FGF12: variants seen among roughly 807,000 people sequenced by gnomAD.
FGF12 encodes fibroblast growth factor 12.
A neutral mutation model predicts 23.6 loss-of-function variants in FGF12; 14 were observed. That is an observed-to-expected ratio of 0.59 (90% confidence interval 0.39 to 0.93). FGF12 has a LOEUF of 0.93. Ranked by LOEUF, FGF12 falls within the 40% of genes least tolerant of loss-of-function variation. The pLI is 0.00. For synonymous variants in FGF12, 62 were observed against 77.3 expected, an observed-to-expected ratio of 0.80 and a Z score of 1.04; for missense variants, 175 against 217.8, an observed-to-expected ratio of 0.80 and a Z score of 1.24.
chr3:192,698,507 A>C (rs1718194799), intron 2 of FGF12, among the ~76,000 whole-genome samples: 1 of 152,174 alleles, frequency 6.6e-6, no homozygotes, highest in Non-Finnish European at 1.5e-5. Context: ...TATACACAAC[A>C]ACAATAATAA....
rs555451201 is a variant in FGF12, at chr3:192,696,408, A to G, written c.13+30773T>C. 2.0e-5 allele frequency among the ~76,000 whole-genome samples: 3 copies of G among 152,320 alleles called. No homozygotes were observed. In the East Asian group the frequency reaches 5.8e-4, roughly 29 times the overall value. ...AGCTTTTCAGTGTGTTTGCACTTCTAGAATCAGCAAACAGATGAGGGAGGA... is the reference window on the plus strand; with the variant it reads ...AGCTTTTCAGTGTGTTTGCACTTCTGGAATCAGCAAACAGATGAGGGAGGA... On this transcript the variant is annotated intron_variant, in intron 2 of 5. Coordinates refer to ENST00000445105, the MANE Select transcript of FGF12 (RefSeq NM_004113.6).
At chr3:192,624,625 A>C (rs1362606539) in intron 2 of FGF12, among the ~76,000 whole-genome samples, 1 of 152,284 alleles carries the variant, frequency 6.6e-6, no homozygotes, top group East Asian at 1.9e-4. Context: ...AGTATTATAA[A>C]ATAATTATAT....
intron 2 of FGF12, among the ~76,000 whole-genome samples, chr3:192,605,648 G>T (rs1321803724): frequency 6.6e-6 from 1 of 152,036 alleles, no homozygotes; most frequent in Non-Finnish European, 1.5e-5. Flanking sequence ...AATTGAACAA[G>T]CCAAAAACAA....
chr3:192,654,690 G>C (rs144514045), intron 2 of FGF12, among the ~76,000 whole-genome samples: 136 of 152,326 alleles, frequency 8.9e-4, no homozygotes, highest in African/African-American at 3.2e-3. Flanking sequence ...CAGAAGAGAG[G>C]CTTCTTGAAC....
chr3:192,528,305 T>C (rs756249221), intron 2 of FGF12, among the ~76,000 whole-genome samples: 5 of 152,072 alleles, frequency 3.3e-5, no homozygotes, highest in Non-Finnish European at 7.4e-5. Context: ...CGAAATCCAG[T>C]GGGGTAGTCA....
At chr3:192,596,717 C>T (rs1476238778) in intron 2 of FGF12, among the ~76,000 whole-genome samples, 1 of 152,038 alleles carries the variant, frequency 6.6e-6, no homozygotes, top group African/African-American at 2.4e-5. Flanking sequence ...GCAATTGGAC[C>T]CATAATACAT....
chr3:192,725,290 T>C (rs1364503143), intron 2 of FGF12, among the ~76,000 whole-genome samples: 2 of 151,890 alleles, frequency 1.3e-5, no homozygotes, highest in Admixed American at 6.6e-5. Context: ...TCATGTTTTT[T>C]TTTTTTTTCA....
At chr3:192,177,325 A>G (rs1273004755) in intron 4 of FGF12, among the ~76,000 whole-genome samples, 1 of 152,212 alleles carries the variant, frequency 6.6e-6, no homozygotes, top group East Asian at 1.9e-4. Context: ...ATTATTTGAG[A>G]TTATTTCTTT....
rs137939607 is a variant in FGF12, at chr3:192,310,278, T to A, written c.228+25083A>T. 5.3e-5 allele frequency among the ~76,000 whole-genome samples: 8 copies of A among 152,294 alleles called. No individual in the cohort carries two copies. In the South Asian group the frequency reaches 1.0e-3, roughly 20 times the overall value. ...GAGAGTGGAAGACACATGTTGCCCC[T>A]CAACTGTGTGCTATTTTGATATCGT... On this transcript the variant is annotated intron_variant, in intron 4 of 5. Coordinates refer to ENST00000445105, the MANE Select transcript of FGF12 (RefSeq NM_004113.6).
intron 4 of FGF12, among the ~76,000 whole-genome samples, chr3:192,242,103 T>C (rs1026118832): frequency 2.6e-5 from 4 of 152,104 alleles, no homozygotes; most frequent in African/African-American, 4.8e-5. Flanking sequence ...ATTCAGAAAT[T>C]AGTTAAAAAT....
intron 4 of FGF12, among the ~76,000 whole-genome samples, chr3:192,261,580 C>T (rs1000673014): frequency 6.6e-6 from 1 of 152,200 alleles, no homozygotes; most frequent in African/African-American, 2.4e-5. Context: ...GTGGAGATGT[C>T]ATGGCTCCGC....
At chr3:192,612,251 T>C (rs555381403) in intron 2 of FGF12, among the ~76,000 whole-genome samples, 1 of 152,140 alleles carries the variant, frequency 6.6e-6, no homozygotes, top group Non-Finnish European at 1.5e-5. Context: ...TGCTCCTATC[T>C]ACCTGGATTT....
At chr3:192,663,389 G>A (rs1318657733) in intron 2 of FGF12, among the ~76,000 whole-genome samples, 1 of 152,130 alleles carries the variant, frequency 6.6e-6, no homozygotes, top group African/African-American at 2.4e-5. Flanking sequence ...TACTCCAGAG[G>A]GTAGCACATA....
At position 192,139,471 on chromosome 3, in the gene FGF12, G is replaced by A. The variant is rs1314061289; in HGVS notation, c.*4538C>T. 6.6e-6 allele frequency: 1 copy of A among 152,128 alleles called. No homozygotes were observed. The highest frequency in any genetic ancestry group is 1.5e-5 in the Non-Finnish European group (1 of 67,988). 9.4% of individuals were successfully genotyped at this position (152,128 alleles called of 1,614,324 possible). A position where few individuals can be genotyped will look rare whatever the true frequency, so the allele number is the denominator to read the frequency against. ...TACAACATGTTTACTAAACATTTCA[G>A]TGTCAATAATTTCTTAAGATTGTAA... On this transcript the variant is annotated 3_prime_UTR_variant, in exon 6 of 6. Coordinates refer to ENST00000445105, the MANE Select transcript of FGF12 (RefSeq NM_004113.6).
intron 4 of FGF12, among the ~76,000 whole-genome samples, chr3:192,255,739 A>T (rs1243330625): frequency 6.6e-6 from 1 of 152,112 alleles, no homozygotes; most frequent in Non-Finnish European, 1.5e-5. Flanking sequence ...CGGACCCCCA[A>T]GCAGTTTTTA....
chr3:192,578,467 A>G (rs1713002582), intron 2 of FGF12, among the ~76,000 whole-genome samples: 1 of 152,170 alleles, frequency 6.6e-6, no homozygotes, highest in Admixed American at 6.5e-5. Context: ...AAACAACAAC[A>G]ATAACAACAA....
At chr3:192,230,004 G>A (rs1718941120) in intron 4 of FGF12, among the ~76,000 whole-genome samples, 1 of 152,118 alleles carries the variant, frequency 6.6e-6, no homozygotes, top group African/African-American at 2.4e-5. Flanking sequence ...GCATATGACG[G>A]AGCTTATTAC....
intron 2 of FGF12, among the ~76,000 whole-genome samples, chr3:192,471,982 C>G (rs1175472398): frequency 6.6e-6 from 1 of 151,818 alleles, no homozygotes; most frequent in African/African-American, 2.4e-5. Flanking sequence ...ACAAAAAAAG[C>G]CTATAGATTG....
chr3:192,442,719 A>G (rs550153571), intron 2 of FGF12, among the ~76,000 whole-genome samples: 4 of 152,318 alleles, frequency 2.6e-5, no homozygotes, highest in African/African-American at 4.8e-5. Flanking sequence ...ATGGTACCAA[A>G]ATAATGCTGC....
Sources: allele counts gnomAD v4.1 joint callset (sites outside exome capture counted in the v4.1 genomes callset), GRCh38; gene constraint gnomAD v4.1.1; transcripts MANE v1.5; gene names NCBI Gene and HGNC (gene_info 2026-07-23, HGNC 2026-07-21).